The following ANKRD31 variants were observed in gnomAD, a reference collection of about 807,000 sequenced individuals.
ANKRD31 encodes ankyrin repeat domain 31.
Under a neutral mutation model 186.0 loss-of-function variants are expected in ANKRD31, and 147 were observed. That is an observed-to-expected ratio of 0.79 (90% CI 0.69 to 0.91). The LOEUF (loss-of-function observed/expected upper bound fraction) is 0.91. Ranked by LOEUF, ANKRD31 falls within the 40% of genes least tolerant of loss-of-function variation. The pLI is 0.00. For synonymous variants in ANKRD31, 673 were observed against 736.4 expected, an observed-to-expected ratio of 0.91 and a Z score of 1.39; for missense variants, 1,986 against 2,148.8, an observed-to-expected ratio of 0.92 and a Z score of 1.50.
chr5:75,162,233 G>T (rs992632297), intron 11 of ANKRD31, among the ~76,000 whole-genome samples: 1 of 152,190 alleles, frequency 6.6e-6, no homozygotes, highest in African/African-American at 2.4e-5. Flanking sequence ...AGCTGCCCAC[G>T]ACCATGGAAA....
intron 22 of ANKRD31, among the ~76,000 whole-genome samples, chr5:75,100,680 G>A (rs556221399): frequency 1.3e-5 from 2 of 152,138 alleles, no homozygotes; most frequent in South Asian, 4.2e-4. Context: ...TTACGTAATG[G>A]CCTTCTTTGT....
intron 9 of ANKRD31, among the ~76,000 whole-genome samples, chr5:75,192,284 A>G (rs1264463981): frequency 6.6e-6 from 1 of 152,110 alleles, no homozygotes; most frequent in African/African-American, 2.4e-5. Context: ...TTTTAGTTCA[A>G]TCTTTTGGAT....
intron 1 of ANKRD31, among the ~76,000 whole-genome samples, chr5:75,230,999 T>C (rs1412527941): frequency 3.3e-5 from 5 of 152,196 alleles, no homozygotes; most frequent in African/African-American, 1.2e-4. Flanking sequence ...CATTTCTCTA[T>C]ACCAGAGAAC....
At chr5:75,080,419 C>G in intron 25 of ANKRD31, 149 bp downstream of exon 25, 1 of 485,494 alleles carries the variant, frequency 2.1e-6, no homozygotes, top group East Asian at 3.5e-5. Context: ...CTTAGTCTAT[C>G]AGGAAATAAA....
At chr5:75,187,075 T>C (rs561237763) in intron 10 of ANKRD31, among the ~76,000 whole-genome samples, 30 of 142,750 alleles carry the variant, frequency 2.1e-4, no homozygotes, top group Non-Finnish European at 2.9e-4. Context: ...AAAATGATGG[T>C]TGCATTTTAA....
chr5:75,209,311 TAA>T (rs968526896), intron 4 of ANKRD31, among the ~76,000 whole-genome samples: 2 of 147,530 alleles, frequency 1.4e-5, no homozygotes, highest in African/African-American at 5.0e-5. Context: ...CCTCTCAAGT[TAA>T]AAAAAAAAGG....
intron 2 of ANKRD31, among the ~76,000 whole-genome samples, 183 bp downstream of exon 2, chr5:75,230,379 C>T (rs1757877031): frequency 6.6e-6 from 1 of 152,180 alleles, no homozygotes; most frequent in South Asian, 2.1e-4. Flanking sequence ...CGGTGATGTT[C>T]TTGTGACCAG....
rs372731350 is a variant in ANKRD31, at chr5:75,131,305, C to T, written c.3876+6551G>A. 3.0e-3 allele frequency among the ~76,000 whole-genome samples: 464 copies of T among 152,272 alleles called. 1 individual carries two copies. The highest frequency in any genetic ancestry group is 0.011 in the African/African-American group (443 of 41,566). ...AGGCCGAGGAGGCACCGAGAGCGAG[C>T]GAGGGTTGCTAGCACGTTATCACCT... On this transcript the variant is annotated intron_variant, in intron 17 of 25. Coordinates refer to ENST00000506364, the MANE Select transcript of ANKRD31 (RefSeq NM_001372053.1).
intron 7 of ANKRD31, among the ~76,000 whole-genome samples, chr5:75,194,892 G>A (rs1755356744): frequency 6.6e-6 from 1 of 152,006 alleles, no homozygotes; most frequent in African/African-American, 2.4e-5. Flanking sequence ...AAACTGTGGA[G>A]GATATTTGTT....
At chr5:75,154,468 A>T (rs1752033035) in intron 11 of ANKRD31, 123 bp from the exon 12 acceptor site, 1 of 875,072 alleles carries the variant, frequency 1.1e-6, no homozygotes, top group African/African-American at 1.7e-5. Flanking sequence ...GGATTTATCT[A>T]TAAATCCTTG....
At chr5:75,192,609 C>T in intron 9 of ANKRD31, 58 bp downstream of exon 9, 1 of 1,288,904 alleles carries the variant, frequency 7.8e-7, no homozygotes, top group East Asian at 2.5e-5. Context: ...TCTCTGAATC[C>T]TTTCTACCAA....
At chr5:75,226,954 G>A (rs892850198) in intron 2 of ANKRD31, among the ~76,000 whole-genome samples, 1 of 151,748 alleles carries the variant, frequency 6.6e-6, no homozygotes, top group African/African-American at 2.4e-5. Context: ...AAAGAAAATT[G>A]GTATATCAAA....
chr5:75,131,469 T>C (rs1479678460), intron 17 of ANKRD31, among the ~76,000 whole-genome samples: 1 of 152,060 alleles, frequency 6.6e-6, no homozygotes, highest in Non-Finnish European at 1.5e-5. Context: ...GGGAGGGGCG[T>C]CCACCATTGC....
chr5:75,221,278 C>T (rs1757283216), intron 3 of ANKRD31, among the ~76,000 whole-genome samples: 1 of 152,010 alleles, frequency 6.6e-6, no homozygotes, highest in Non-Finnish European at 1.5e-5. Context: ...AATTGATTCT[C>T]AGAAATCTAC....
chr5:75,100,517 G>T (rs192236321), intron 22 of ANKRD31, among the ~76,000 whole-genome samples: 1 of 152,196 alleles, frequency 6.6e-6, no homozygotes, highest in South Asian at 2.1e-4. Context: ...AATGTTGACA[G>T]TGGGGTGTTA....
chr5:75,132,791 A>C (rs1749981862), intron 17 of ANKRD31, among the ~76,000 whole-genome samples: 1 of 152,222 alleles, frequency 6.6e-6, no homozygotes, highest in Admixed American at 6.5e-5. Flanking sequence ...CCACAAAGGG[A>C]AGCCCATCAG....
chr5:75,128,110 T>A (rs1254640843), intron 17 of ANKRD31, among the ~76,000 whole-genome samples: 1 of 152,190 alleles, frequency 6.6e-6, no homozygotes, highest in Non-Finnish European at 1.5e-5. Context: ...TTTATTTATT[T>A]TTCTTCCATT....
intron 23 of ANKRD31, among the ~76,000 whole-genome samples, chr5:75,086,008 C>T (rs1428296587): frequency 2.0e-5 from 3 of 152,110 alleles, no homozygotes; most frequent in East Asian, 1.9e-4. Context: ...TCTCACTTGC[C>T]ATAGAAAGTA....
At chr5:75,181,493 C>G (rs1754289981) in intron 10 of ANKRD31, among the ~76,000 whole-genome samples, 1 of 151,978 alleles carries the variant, frequency 6.6e-6, no homozygotes, top group Admixed American at 6.6e-5. Context: ...CCTAAATGTC[C>G]AACAACAATA....
Sources: allele counts gnomAD v4.1 joint callset (sites outside exome capture counted in the v4.1 genomes callset), GRCh38; gene constraint gnomAD v4.1.1; transcripts MANE v1.5; gene names NCBI Gene and HGNC (gene_info 2026-07-23, HGNC 2026-07-21).